HEMK2: variants seen among roughly 807,000 people sequenced by gnomAD.
The protein encoded by HEMK2 is HemK methyltransferase 2, ETF1 glutamine and histone H4 lysine.
At chr21:28,677,621 G>A in the HEMK2 span, among the ~76,000 whole-genome samples, 1 of 152,190 alleles carries the variant, frequency 6.6e-6, no homozygotes, top group Admixed American at 6.5e-5. Context: ...CCTGACCCCC[G>A]AGTAGCCTAA....
the HEMK2 span, chr21:28,876,574 A>T: frequency 1.3e-6 from 1 of 775,650 alleles, no homozygotes; most frequent in Non-Finnish European, 2.0e-6. Flanking sequence ...AGTTAAACAC[A>T]GATGATTTAT....
chr21:28,606,170 C>T, the HEMK2 span, among the ~76,000 whole-genome samples: 2,820 of 152,220 alleles, frequency 0.019, 109 homozygotes, highest in African/African-American at 0.065. Flanking sequence ...AGTACTGTAA[C>T]ATGGCGGGCA....
chr21:28,830,950 T>C, the HEMK2 span, among the ~76,000 whole-genome samples: 1 of 151,910 alleles, frequency 6.6e-6, no homozygotes, highest in South Asian at 2.1e-4. Context: ...GGAAAATTAG[T>C]ATTCTATCCA....
the HEMK2 span, among the ~76,000 whole-genome samples, chr21:28,744,562 T>C: frequency 1.3e-5 from 2 of 152,198 alleles, no homozygotes; most frequent in Non-Finnish European, 2.9e-5. Flanking sequence ...GCCTCTCCTG[T>C]TTCATAGTAG....
At chr21:28,579,965 A>G in the HEMK2 span, among the ~76,000 whole-genome samples, 1 of 152,234 alleles carries the variant, frequency 6.6e-6, no homozygotes, top group Admixed American at 6.5e-5. Context: ...GACAAAGCAT[A>G]AAAGAAGAGA....
the HEMK2 span, among the ~76,000 whole-genome samples, chr21:28,749,941 T>C: frequency 5.8e-3 from 889 of 152,314 alleles, 7 homozygotes; most frequent in African/African-American, 0.021. Flanking sequence ...AACCACTAGT[T>C]GAAAAATAAA....
the HEMK2 span, among the ~76,000 whole-genome samples, chr21:28,710,703 T>C: frequency 6.6e-6 from 1 of 152,162 alleles, no homozygotes; most frequent in Admixed American, 6.6e-5. Flanking sequence ...TGGAATGAAA[T>C]ATATGGAGGA....
chr21:28,627,837 T>C, the HEMK2 span, among the ~76,000 whole-genome samples: 4 of 152,176 alleles, frequency 2.6e-5, no homozygotes, highest in Non-Finnish European at 5.9e-5. Context: ...GTACCACTGA[T>C]TGGTTGCTTT....
the HEMK2 span, among the ~76,000 whole-genome samples, chr21:28,588,900 A>G: frequency 2.4e-3 from 366 of 151,350 alleles, 1 homozygote; most frequent in South Asian, 5.0e-3. Context: ...GGAGAATGGC[A>G]TGAACCCAGG....
the HEMK2 span, among the ~76,000 whole-genome samples, chr21:28,656,026 A>C: frequency 6.6e-6 from 1 of 152,120 alleles, no homozygotes; most frequent in Non-Finnish European, 1.5e-5. Flanking sequence ...GAAAAGTCAT[A>C]CTTTAAATAT....
the HEMK2 span, among the ~76,000 whole-genome samples, chr21:28,607,762 T>C: frequency 3.9e-5 from 6 of 152,176 alleles, no homozygotes; most frequent in African/African-American, 1.4e-4. Flanking sequence ...AATAAGTGAA[T>C]GAAGCTATTA....
the HEMK2 span, among the ~76,000 whole-genome samples, chr21:28,604,639 T>G: frequency 6.6e-6 from 1 of 152,160 alleles, no homozygotes; most frequent in Non-Finnish European, 1.5e-5. Context: ...ATTTTGCAGA[T>G]GAGAAAATAG....
At chr21:28,642,237 T>C in the HEMK2 span, among the ~76,000 whole-genome samples, 1 of 152,150 alleles carries the variant, frequency 6.6e-6, no homozygotes, top group Admixed American at 6.5e-5. Context: ...TCCCCCAAAA[T>C]TGAAAAGCTG....
the HEMK2 span, among the ~76,000 whole-genome samples, chr21:28,590,417 T>TAA: frequency 6.6e-6 from 1 of 150,714 alleles, no homozygotes; most frequent in East Asian, 1.9e-4. Context: ...TAATGAAAAA[T>TAA]AAAAAAAAAC....
the HEMK2 span, among the ~76,000 whole-genome samples, chr21:28,834,081 G>C: frequency 6.6e-6 from 1 of 152,172 alleles, no homozygotes; most frequent in Admixed American, 6.5e-5. Flanking sequence ...GGAGCCTGGA[G>C]CTTCAATGGC....
chr21:28,634,010 G>A, the HEMK2 span, among the ~76,000 whole-genome samples: 1 of 152,206 alleles, frequency 6.6e-6, no homozygotes, highest in African/African-American at 2.4e-5. Context: ...TACAGTGCCT[G>A]TTTAATTGTT....
chr21:28,578,404 T>C, the HEMK2 span, among the ~76,000 whole-genome samples: 2 of 152,214 alleles, frequency 1.3e-5, no homozygotes, highest in Non-Finnish European at 2.9e-5. Context: ...CCTCAGGTGA[T>C]GGGGATGGTT....
At chr21:28,689,847 G>C in the HEMK2 span, among the ~76,000 whole-genome samples, 2 of 152,168 alleles carry the variant, frequency 1.3e-5, no homozygotes, top group Non-Finnish European at 2.9e-5. Context: ...ACGAAAAAGG[G>C]ACTCCGTTTA....
At chr21:28,630,940 T>A in the HEMK2 span, among the ~76,000 whole-genome samples, 1 of 151,904 alleles carries the variant, frequency 6.6e-6, no homozygotes, top group Admixed American at 6.6e-5. Flanking sequence ...AATAATAAAA[T>A]TTTAAAAAAA....
Sources: allele counts gnomAD v4.1 joint callset (sites outside exome capture counted in the v4.1 genomes callset), GRCh38; gene constraint gnomAD v4.1.1; transcripts MANE v1.5; gene names NCBI Gene and HGNC (gene_info 2026-07-23, HGNC 2026-07-21).